GRIK2: variants seen among roughly 807,000 people sequenced by gnomAD.
The protein encoded by GRIK2 is glutamate receptor ionotropic, kainate 2.
Under a neutral mutation model 100.3 loss-of-function variants are expected in GRIK2, and 32 were observed. The ratio of observed to expected loss-of-function variants is 0.32; its 90% CI spans 0.24 to 0.43. The LOEUF (loss-of-function observed/expected upper bound fraction) is 0.43, where lower values mean the gene tolerates loss of function less well. Among genes scored for constraint, GRIK2 ranks in the 20% least tolerant of loss-of-function variants. The pLI is 1.00. For synonymous variants in GRIK2, 417 were observed against 389.4 expected, an observed-to-expected ratio of 1.07 and a Z score of -0.83; for missense variants, 843 against 1,114.9, an observed-to-expected ratio of 0.76 and a Z score of 3.47.
At chr6:101,714,541 T>G (rs1773931585) in intron 7 of GRIK2, among the ~76,000 whole-genome samples, 1 of 151,782 alleles carries the variant, frequency 6.6e-6, no homozygotes, top group Non-Finnish European at 1.5e-5. Flanking sequence ...AATATTATCT[T>G]CTGAATTATC....
intron 14 of GRIK2, among the ~76,000 whole-genome samples, chr6:102,008,532 C>T (rs1307925675): frequency 6.6e-6 from 1 of 151,906 alleles, no homozygotes; most frequent in Non-Finnish European, 1.5e-5. Flanking sequence ...AAAGAAGACT[C>T]GTGTGACCCA....
At chr6:101,973,687 TGGG>T in intron 14 of GRIK2, among the ~76,000 whole-genome samples, 2 of 152,010 alleles carry the variant, frequency 1.3e-5, no homozygotes, top group African/African-American at 4.8e-5. Flanking sequence ...TGTCAAGTAT[TGGG>T]GGGAAATTGC....
At chr6:101,907,627 T>C (rs945664873) in intron 12 of GRIK2, among the ~76,000 whole-genome samples, 3 of 151,500 alleles carry the variant, frequency 2.0e-5, no homozygotes, top group African/African-American at 7.3e-5. Context: ...CATGCAGGAC[T>C]TTAATACTCG....
At chr6:101,963,569 A>C (rs1436840005) in intron 14 of GRIK2, among the ~76,000 whole-genome samples, 1 of 125,032 alleles carries the variant, frequency 8.0e-6, no homozygotes. Flanking sequence ...AGCTAGGATG[A>C]TCTTGATCTC....
At chr6:101,975,779 C>T (rs963839497) in intron 14 of GRIK2, among the ~76,000 whole-genome samples, 7 of 146,194 alleles carry the variant, frequency 4.8e-5, no homozygotes, top group Non-Finnish European at 9.0e-5. Context: ...ATGTGTCTAT[C>T]TGTCTGTCTG....
chr6:101,936,131 A>G (rs941726335), intron 14 of GRIK2, among the ~76,000 whole-genome samples: 4 of 152,018 alleles, frequency 2.6e-5, no homozygotes, highest in African/African-American at 7.2e-5. Flanking sequence ...TTGATCACCA[A>G]TGTATCTGGG....
intron 11 of GRIK2, among the ~76,000 whole-genome samples, chr6:101,862,924 T>A (rs558346774): frequency 1.3e-5 from 2 of 152,298 alleles, no homozygotes; most frequent in East Asian, 3.9e-4. Context: ...TTTATGATGA[T>A]TGGTGATTGA....
intron 11 of GRIK2, among the ~76,000 whole-genome samples, chr6:101,875,003 A>G (rs1785720586): frequency 6.6e-6 from 1 of 152,100 alleles, no homozygotes; most frequent in Non-Finnish European, 1.5e-5. Context: ...TTGGGCTGAG[A>G]TGATGGGGTT....
chr6:101,828,544 A>G (rs1043532905), intron 10 of GRIK2, among the ~76,000 whole-genome samples: 2 of 151,938 alleles, frequency 1.3e-5, no homozygotes, highest in African/African-American at 4.8e-5. Context: ...AAAGAATGAA[A>G]AGAGAGAAGA....
At chr6:101,595,708 G>GTATATATA (rs1334674645) in intron 2 of GRIK2, among the ~76,000 whole-genome samples, 16 of 125,622 alleles carry the variant, frequency 1.3e-4, no homozygotes, top group African/African-American at 5.1e-4. Context: ...ATGTGTGTGT[G>GTATATATA]TGTGTGTGTG....
rs115828060 is a variant in GRIK2 at position 101,946,133 on chromosome 6, G to A, written c.2085+17501G>A. On this transcript the variant is annotated intron_variant, in intron 14 of 16. Transcript: ENST00000369134. ...CAAAACATAATTTGTATAACATTAG[G>A]TGTTTTGAGATTAGTAAAGTTAGTA... 1.5e-3 allele frequency among the ~76,000 whole-genome samples: 229 copies of A among 151,858 alleles called. 1 individual carries two copies. The highest frequency in any genetic ancestry group is 5.3e-3 in the African/African-American group (219 of 41,438).
At chr6:101,681,207 A>G (rs953423870) in intron 5 of GRIK2, among the ~76,000 whole-genome samples, 2 of 152,096 alleles carry the variant, frequency 1.3e-5, no homozygotes, top group African/African-American at 4.8e-5. Flanking sequence ...ACAACGTGTA[A>G]TAATTACATC....
chr6:101,418,442 G>T (rs533355160), intron 2 of GRIK2, among the ~76,000 whole-genome samples: 1 of 152,190 alleles, frequency 6.6e-6, no homozygotes, highest in Non-Finnish European at 1.5e-5. Flanking sequence ...ATCGACATTT[G>T]TAAAACCTTA....
intron 16 of GRIK2, among the ~76,000 whole-genome samples, chr6:102,058,774 C>T (rs886207941): frequency 4.6e-5 from 7 of 151,312 alleles, no homozygotes; most frequent in African/African-American, 1.7e-4. Context: ...CCATTATTTA[C>T]TCAATAAATA....
intron 14 of GRIK2, among the ~76,000 whole-genome samples, chr6:102,012,954 T>C (rs888438990): frequency 9.2e-5 from 14 of 152,234 alleles, no homozygotes; most frequent in African/African-American, 3.4e-4. Context: ...AATTTTGTTT[T>C]TTTCTAGTTC....
chr6:101,979,757 C>T (rs1358606092), intron 14 of GRIK2, among the ~76,000 whole-genome samples: 2 of 151,966 alleles, frequency 1.3e-5, no homozygotes, highest in African/African-American at 2.4e-5. Context: ...CTAAGTTAGA[C>T]ATTTTCTATA....
At chr6:101,433,416 A>G (rs534264179) in intron 2 of GRIK2, among the ~76,000 whole-genome samples, 1 of 152,306 alleles carries the variant, frequency 6.6e-6, no homozygotes, top group South Asian at 2.1e-4. Flanking sequence ...TCATCTATAA[A>G]AATGAGGATA....
intron 16 of GRIK2, chr6:102,064,018 T>C (rs762473497): frequency 6.5e-7 from 1 of 1,531,286 alleles, no homozygotes; most frequent in Non-Finnish European, 9.0e-7. Context: ...AGTAATCTTT[T>C]GAAACTTACT....
intron 9 of GRIK2, among the ~76,000 whole-genome samples, chr6:101,815,030 G>A (rs1289776452): frequency 6.6e-6 from 1 of 152,076 alleles, no homozygotes; most frequent in Non-Finnish European, 1.5e-5. Context: ...TTACAGATGG[G>A]AGAATTGTGA....
Sources: gnomAD v4.1 joint callset for allele counts (sites outside exome capture counted in the v4.1 genomes callset) on GRCh38, gnomAD v4.1.1 for gene constraint, MANE v1.5 for transcripts, NCBI Gene and HGNC (gene_info 2026-07-23, HGNC 2026-07-21) for gene names.